DRC8: variants seen among roughly 807,000 people sequenced by gnomAD.
DRC8 encodes the protein dynein regulatory complex subunit 8, also known as dynein regulatory complex protein 8.
chr1:245,046,391 C>T, the DRC8 span, among the ~76,000 whole-genome samples: 1 of 152,030 alleles, frequency 6.6e-6, no homozygotes, highest in Non-Finnish European at 1.5e-5. Context: ...CTCCTTCTCG[C>T]TGTCTCTTTT....
the DRC8 span, among the ~76,000 whole-genome samples, chr1:245,078,532 A>G: frequency 2.4e-4 from 37 of 152,314 alleles, no homozygotes; most frequent in African/African-American, 2.2e-4. Context: ...TTGCAACAAC[A>G]TGGATGAACT....
At chr1:245,051,780 AGATGCT>A in the DRC8 span, among the ~76,000 whole-genome samples, 1 of 152,214 alleles carries the variant, frequency 6.6e-6, no homozygotes, top group African/African-American at 2.4e-5. Flanking sequence ...AAAATAATGA[AGATGCT>A]GAGAGGGAGA....
chr1:245,059,470 G>A, the DRC8 span: 60 of 1,607,926 alleles, frequency 3.7e-5, no homozygotes, highest in Middle Eastern at 1.7e-4. Context: ...TGAGTACGGC[G>A]AAAAGGTTTC....
At chr1:245,082,095 G>A in the DRC8 span, 1 of 1,610,620 alleles carries the variant, frequency 6.2e-7, no homozygotes, top group Non-Finnish European at 8.5e-7. Context: ...AGAGGAAGAA[G>A]AACCCACTGG....
the DRC8 span, among the ~76,000 whole-genome samples, chr1:245,019,372 C>A: frequency 3.3e-5 from 5 of 152,090 alleles, no homozygotes; most frequent in Non-Finnish European, 7.4e-5. Flanking sequence ...CTGCTGGTAT[C>A]ATTACCATCC....
chr1:245,115,281 C>G, the DRC8 span, among the ~76,000 whole-genome samples: 1 of 152,110 alleles, frequency 6.6e-6, no homozygotes, highest in Non-Finnish European at 1.5e-5. Context: ...CTCCTGAGTT[C>G]AAGCAATCTG....
the DRC8 span, among the ~76,000 whole-genome samples, chr1:245,007,113 A>G: frequency 1.3e-5 from 2 of 152,210 alleles, no homozygotes; most frequent in South Asian, 2.1e-4. Context: ...TGTGTCCTCA[A>G]GTGATGAACC....
the DRC8 span, chr1:245,087,880 T>C: frequency 3.3e-6 from 2 of 610,224 alleles, no homozygotes; most frequent in Non-Finnish European, 4.1e-6. Context: ...TTTGGGATAA[T>C]AATAACTTAG....
chr1:245,012,299 T>C, the DRC8 span, among the ~76,000 whole-genome samples: 196 of 151,984 alleles, frequency 1.3e-3, no homozygotes, highest in African/African-American at 4.5e-3. Flanking sequence ...ATTATACTTA[T>C]TGGTAAAAGA....
the DRC8 span, chr1:245,087,251 CT>C: frequency 1.9e-6 from 3 of 1,602,916 alleles, no homozygotes; most frequent in Admixed American, 1.8e-5. Flanking sequence ...TGAGGTGAGC[CT>C]TTTTCTCAAG....
At chr1:245,054,328 C>T in the DRC8 span, among the ~76,000 whole-genome samples, 34 of 151,996 alleles carry the variant, frequency 2.2e-4, no homozygotes, top group African/African-American at 7.5e-4. Flanking sequence ...CTGGGACTAC[C>T]GGCATCTGTC....
chr1:245,027,727 A>G, the DRC8 span, among the ~76,000 whole-genome samples: 1 of 152,220 alleles, frequency 6.6e-6, no homozygotes, highest in Non-Finnish European at 1.5e-5. Context: ...CTGACAAGGT[A>G]GAATGTTCAT....
At chr1:245,102,330 CTTTATTTA>C in the DRC8 span, among the ~76,000 whole-genome samples, 68 of 147,488 alleles carry the variant, frequency 4.6e-4, no homozygotes, top group African/African-American at 1.2e-3. Flanking sequence ...TCATTAGGAA[CTTTATTTA>C]TTTATTTATT....
the DRC8 span, among the ~76,000 whole-genome samples, chr1:245,022,703 A>AT: frequency 6.6e-6 from 1 of 151,784 alleles, no homozygotes; most frequent in Non-Finnish European, 1.5e-5. Flanking sequence ...ATGAGTATGC[A>AT]TGTGCATGTG....
At chr1:245,096,836 T>C in the DRC8 span, among the ~76,000 whole-genome samples, 146,903 of 152,264 alleles carry the variant, frequency 0.96, 71,094 homozygotes, top group East Asian at 1. Flanking sequence ...TCCAGCTGTG[T>C]CAGGTATAGG....
At chr1:245,023,999 G>A in the DRC8 span, among the ~76,000 whole-genome samples, 1 of 151,942 alleles carries the variant, frequency 6.6e-6, no homozygotes, top group African/African-American at 2.4e-5. Flanking sequence ...GTGAAACCCC[G>A]TCTCTACTAA....
At chr1:245,121,888 C>T in the DRC8 span, 1 of 418,756 alleles carries the variant, frequency 2.4e-6, no homozygotes, top group Non-Finnish European at 4.6e-6. Context: ...TTTTTCTTTT[C>T]TTTTTTCTTA....
At chr1:245,033,666 T>C in the DRC8 span, among the ~76,000 whole-genome samples, 1 of 152,158 alleles carries the variant, frequency 6.6e-6, no homozygotes, top group African/African-American at 2.4e-5. Flanking sequence ...TTACTTTATT[T>C]TTCATATGAT....
chr1:244,980,114 G>C, the DRC8 span, among the ~76,000 whole-genome samples: 1 of 146,250 alleles, frequency 6.8e-6, no homozygotes, highest in Non-Finnish European at 1.5e-5. Flanking sequence ...AGGTACTTGG[G>C]AGGCTGAGGC....
Sources: gnomAD v4.1 joint callset for allele counts (sites outside exome capture counted in the v4.1 genomes callset) on GRCh38, gnomAD v4.1.1 for gene constraint, MANE v1.5 for transcripts, NCBI Gene and HGNC (gene_info 2026-07-23, HGNC 2026-07-21) for gene names.